DCDC1: variants seen among roughly 807,000 people sequenced by gnomAD.
DCDC1 encodes the protein doublecortin domain containing 1, also known as doublecortin domain-containing protein 1.
DCDC1 carries 200 observed loss-of-function variants against 178.3 expected under a neutral mutation model. The observed-to-expected ratio is 1.12, with a 90% CI of 1.00 to 1.26. DCDC1 has a LOEUF of 1.26. Ranked by LOEUF, DCDC1 falls within the 50% of genes most tolerant of loss-of-function variation. The pLI, the probability that DCDC1 is intolerant of heterozygous loss-of-function variation, is 0.00. For synonymous variants in DCDC1, 690 were observed against 604.8 expected, an observed-to-expected ratio of 1.14 and a Z score of -2.07; for missense variants, 1,983 against 1,749.2, an observed-to-expected ratio of 1.13 and a Z score of -2.38.
At chr11:30,896,512 C>G (rs2134078404) in intron 34 of DCDC1, among the ~76,000 whole-genome samples, 1 of 152,272 alleles carries the variant, frequency 6.6e-6, no homozygotes, top group East Asian at 1.9e-4. Context: ...TATTGGGAGG[C>G]CCACCCTTAT....
intron 16 of DCDC1, among the ~76,000 whole-genome samples, chr11:31,093,843 T>G (rs1383585448): frequency 1.3e-5 from 2 of 152,184 alleles, no homozygotes; most frequent in Admixed American, 6.5e-5. Context: ...GCAGCATGTC[T>G]GATAGTGAAC....
chr11:31,097,411 C>T (rs1252588396), intron 15 of DCDC1, among the ~76,000 whole-genome samples: 3 of 152,170 alleles, frequency 2.0e-5, no homozygotes, highest in Non-Finnish European at 2.9e-5. Flanking sequence ...AGAAATTTTA[C>T]ATGATGTTCA....
intron 22 of DCDC1, among the ~76,000 whole-genome samples, chr11:30,928,522 A>C (rs1427518218): frequency 8.9e-5 from 1 of 11,298 alleles, no homozygotes. Flanking sequence ...TATGTTTTTT[A>C]AATGAGATTA....
At chr11:30,866,533 A>G (rs1391168253) in intron 38 of DCDC1, among the ~76,000 whole-genome samples, 1 of 152,082 alleles carries the variant, frequency 6.6e-6, no homozygotes, top group East Asian at 1.9e-4. Context: ...TATTACATTG[A>G]GGATTGGGTT....
At chr11:30,920,670 A>G in intron 25 of DCDC1, 106 bp downstream of exon 25, 2 of 1,378,446 alleles carry the variant, frequency 1.5e-6, no homozygotes, top group Non-Finnish European at 1.9e-6. Context: ...CATTAGTTTC[A>G]CAAACTTGGC....
chr11:31,284,413 A>G (rs1020071776), intron 7 of DCDC1, among the ~76,000 whole-genome samples: 22 of 152,122 alleles, frequency 1.4e-4, no homozygotes, highest in Admixed American at 4.6e-4. Context: ...ACTTCATAAA[A>G]TCCTGTGATT....
At chr11:31,154,705 A>C (rs1965541721) in intron 9 of DCDC1, among the ~76,000 whole-genome samples, 1 of 152,214 alleles carries the variant, frequency 6.6e-6, no homozygotes, top group African/African-American at 2.4e-5. Context: ...ATATAAATAT[A>C]AATAAAGGAG....
intron 9 of DCDC1, among the ~76,000 whole-genome samples, chr11:31,143,051 A>T (rs950368083): frequency 1.3e-5 from 2 of 152,202 alleles, no homozygotes; most frequent in Admixed American, 1.3e-4. Context: ...CAAATAGGTT[A>T]ACAGTAAAGT....
chr11:31,243,102 TAACA>T (rs1484563490), intron 8 of DCDC1, among the ~76,000 whole-genome samples: 3 of 151,710 alleles, frequency 2.0e-5, no homozygotes, highest in South Asian at 2.1e-4. Context: ...CTAAGTCTTA[TAACA>T]AACAACTCAA....
intron 1 of DCDC1, among the ~76,000 whole-genome samples, 159 bp from the exon 2 acceptor site, chr11:31,335,723 C>T (rs559246880): frequency 6.6e-6 from 1 of 152,256 alleles, no homozygotes; most frequent in East Asian, 1.9e-4. Context: ...TTTCTACAGA[C>T]CCAAGGGTTG....
chr11:31,271,658 A>C (rs982283563), intron 7 of DCDC1, among the ~76,000 whole-genome samples: 2 of 152,194 alleles, frequency 1.3e-5, no homozygotes, highest in African/African-American at 2.4e-5. Context: ...ACTTGTTTTG[A>C]GCATTGTATT....
intron 20 of DCDC1, among the ~76,000 whole-genome samples, chr11:31,020,939 G>GA (rs1952834984): frequency 6.6e-6 from 1 of 152,046 alleles, no homozygotes. Flanking sequence ...AATCCCAATA[G>GA]AAAAATGGGT....
At chr11:30,996,222 A>G (rs1239292091) in intron 20 of DCDC1, among the ~76,000 whole-genome samples, 1 of 152,166 alleles carries the variant, frequency 6.6e-6, no homozygotes, top group Non-Finnish European at 1.5e-5. Context: ...CGATCACCAC[A>G]CATCTATTAG....
intron 6 of DCDC1, among the ~76,000 whole-genome samples, chr11:31,296,828 T>C (rs1312951549): frequency 7.0e-6 from 1 of 142,398 alleles, no homozygotes; most frequent in African/African-American, 2.7e-5. Flanking sequence ...TGGTGAGAAC[T>C]CACTCACTAT....
chr11:31,045,154 G>A (rs959619752), intron 20 of DCDC1, among the ~76,000 whole-genome samples: 1 of 152,040 alleles, frequency 6.6e-6, no homozygotes, highest in East Asian at 1.9e-4. Context: ...GTATATGTGT[G>A]TAGACTAAAA....
At chr11:31,355,957 GGT>G (rs1951328371) in intron 1 of DCDC1, among the ~76,000 whole-genome samples, 1 of 152,050 alleles carries the variant, frequency 6.6e-6, no homozygotes, top group Non-Finnish European at 1.5e-5. Context: ...AGTGCCCCAA[GGT>G]GTTATTTGTA....
intron 9 of DCDC1, among the ~76,000 whole-genome samples, chr11:31,220,837 A>G (rs995108869): frequency 3.9e-5 from 6 of 152,148 alleles, no homozygotes; most frequent in Admixed American, 1.3e-4. Context: ...GAGTGCGAGT[A>G]TGGTCAAGTT....
At chr11:31,248,153 G>A (rs897064988) in intron 8 of DCDC1, among the ~76,000 whole-genome samples, 4 of 151,994 alleles carry the variant, frequency 2.6e-5, no homozygotes, top group Admixed American at 1.3e-4. Flanking sequence ...TAAAATAGAA[G>A]TAATGGTCTT....
At chr11:31,118,528 C>G (rs208074) in intron 11 of DCDC1, among the ~76,000 whole-genome samples, 90,129 of 151,808 alleles carry the variant, frequency 0.59, 27,180 homozygotes, top group East Asian at 0.93. Flanking sequence ...AGATGTCAGT[C>G]GGTAATCCAG....
Sources: allele counts gnomAD v4.1 joint callset (sites outside exome capture counted in the v4.1 genomes callset), GRCh38; gene constraint gnomAD v4.1.1; transcripts MANE v1.5; gene names NCBI Gene and HGNC (gene_info 2026-07-23, HGNC 2026-07-21).